Variants in GABRB1 observed in about 807,000 individuals in gnomAD.
The protein encoded by GABRB1 is gamma-aminobutyric acid type A receptor subunit beta1.
In GABRB1, 17 loss-of-function variants were observed where a neutral mutation model predicts 51.6. The observed-to-expected ratio is 0.33, with a 90% CI of 0.23 to 0.49. The LOEUF is 0.49. GABRB1 is among the 20% of genes least tolerant of loss of function. The pLI is 0.99. For missense variants in GABRB1, 410 were observed against 600.6 expected, an observed-to-expected ratio of 0.68 and a Z score of 3.32; for synonymous variants, 247 against 218.9, an observed-to-expected ratio of 1.13 and a Z score of -1.14.
chr4:47,084,374 C>T (rs1727981596), intron 3 of GABRB1, among the ~76,000 whole-genome samples: 2 of 152,144 alleles, frequency 1.3e-5, no homozygotes, highest in Admixed American at 1.3e-4. Context: ...TATTGTCTAC[C>T]CTCACAAATA....
At chr4:47,331,131 T>C (rs1725465450) in intron 5 of GABRB1, among the ~76,000 whole-genome samples, 1 of 152,202 alleles carries the variant, frequency 6.6e-6, no homozygotes, top group Non-Finnish European at 1.5e-5. Context: ...TTTTGCCATA[T>C]TCAGTAGACT....
intron 3 of GABRB1, among the ~76,000 whole-genome samples, chr4:47,040,190 G>C (rs1486216865): frequency 6.6e-6 from 1 of 152,180 alleles, no homozygotes; most frequent in Non-Finnish European, 1.5e-5. Flanking sequence ...TATCTATGCT[G>C]AGGAAATGGA....
chr4:47,212,672 C>T (rs1720409378), intron 4 of GABRB1, among the ~76,000 whole-genome samples: 1 of 152,030 alleles, frequency 6.6e-6, no homozygotes. Context: ...GAGTGAGACA[C>T]TGTCTCAAAA....
chr4:47,281,183 C>T lies in GABRB1; in HGVS notation c.462-38944C>T, dbSNP rs537690844. ...TAATGTCCAAAATATATAAAGAACTCAAATAGCACAGTAGCGAGGAAACAA... is the reference window on the plus strand; with the variant it reads ...TAATGTCCAAAATATATAAAGAACTTAAATAGCACAGTAGCGAGGAAACAA... On this transcript the variant is annotated intron_variant, in intron 4 of 8. Coordinates refer to ENST00000295454, the MANE Select transcript of GABRB1 (RefSeq NM_000812.4). Among the ~76,000 whole-genome samples the T allele has an allele frequency of 1.3e-5, 2 of 152,004 alleles. 1 individual carries two copies. The highest frequency in any genetic ancestry group is 4.1e-4 in the South Asian group (2 of 4,822).
rs1163708982 is a variant in GABRB1, at chr4:47,425,994, C to G, written c.1401C>G (p.Val467=). The G allele has an allele frequency of 6.2e-7, 1 of 1,601,050 alleles. No individual in the cohort carries two copies. Among genetic ancestry groups the G allele is most frequent in the African/African-American group, 1.3e-5 (1 of 74,752 alleles). Residue 467 remains valine, a synonymous_variant, in exon 9 of 9, where the codon GTC becomes GTG. Transcript: ENST00000295454. ...FPITFSLFNV[V]YWLYYVH ...TCACCTTTTCTCTTTTTAATGTCGT[C>G]TATTGGCTTTACTATGTACACTGAG...
chr4:47,249,119 T>C (rs1205607444), intron 4 of GABRB1, among the ~76,000 whole-genome samples: 1 of 152,124 alleles, frequency 6.6e-6, no homozygotes, highest in Non-Finnish European at 1.5e-5. Flanking sequence ...ATTTGTACTC[T>C]TTCAGTCTTT....
chr4:47,160,522 T>C (rs1216628544), intron 3 of GABRB1, among the ~76,000 whole-genome samples: 2 of 152,144 alleles, frequency 1.3e-5, no homozygotes, highest in African/African-American at 4.8e-5. Flanking sequence ...TCCTTTTCAG[T>C]GCATTCAGTT....
intron 5 of GABRB1, among the ~76,000 whole-genome samples, chr4:47,383,394 A>G (rs1727659527): frequency 6.6e-6 from 1 of 152,198 alleles, no homozygotes; most frequent in Non-Finnish European, 1.5e-5. Context: ...TGAGAAAGGC[A>G]TCCAATTTAA....
At chr4:47,038,077 C>T (rs538841915) in intron 3 of GABRB1, among the ~76,000 whole-genome samples, 1 of 152,212 alleles carries the variant, frequency 6.6e-6, no homozygotes, top group Admixed American at 6.5e-5. Context: ...ATAATAAAAA[C>T]TTAGATATTA....
intron 3 of GABRB1, among the ~76,000 whole-genome samples, chr4:47,143,165 A>T (rs1350067351): frequency 6.6e-6 from 1 of 151,924 alleles, no homozygotes; most frequent in East Asian, 1.9e-4. Context: ...GAATAAGAAC[A>T]GGAAGCTAAA....
At chr4:47,366,126 G>C (rs968264060) in intron 5 of GABRB1, among the ~76,000 whole-genome samples, 5 of 152,106 alleles carry the variant, frequency 3.3e-5, no homozygotes, top group African/African-American at 1.2e-4. Flanking sequence ...CTCAACATAG[G>C]TTCCCATTTT....
intron 3 of GABRB1, among the ~76,000 whole-genome samples, chr4:47,049,065 A>G (rs1726229688): frequency 9.2e-5 from 1 of 10,820 alleles, no homozygotes; most frequent in Admixed American, 6.2e-4. Flanking sequence ...TGAGAAGAGA[A>G]AAAAAAAAAA....
intron 3 of GABRB1, among the ~76,000 whole-genome samples, chr4:47,134,057 T>C (rs1407557411): frequency 6.6e-6 from 1 of 152,180 alleles, no homozygotes; most frequent in African/African-American, 2.4e-5. Context: ...TCAAAATGAT[T>C]AGAGGGAGAC....
intron 4 of GABRB1, among the ~76,000 whole-genome samples, chr4:47,182,154 T>TG (rs5858058): frequency 0.86 from 130,365 of 151,918 alleles, 55,943 homozygotes; most frequent in Middle Eastern, 0.93. Flanking sequence ...CTTGTCTTGT[T>TG]GAGGTTAAAA....
intron 3 of GABRB1, among the ~76,000 whole-genome samples, chr4:47,036,793 C>G (rs1022848885): frequency 6.6e-6 from 1 of 151,396 alleles, no homozygotes; most frequent in Admixed American, 6.6e-5. Context: ...ACCCAGGAGG[C>G]TGGAGGTTGC....
chr4:47,138,824 C>T (rs1053020810), intron 3 of GABRB1, among the ~76,000 whole-genome samples: 3 of 151,922 alleles, frequency 2.0e-5, no homozygotes, highest in African/African-American at 7.3e-5. Context: ...TTCTCTTGGC[C>T]CTCCCAGTTA....
chr4:47,027,989 A>G (rs1409585547), upstream of GABRB1, among the ~76,000 whole-genome samples: 2 of 151,736 alleles, frequency 1.3e-5, no homozygotes, highest in African/African-American at 4.8e-5. Flanking sequence ...CTGTCCCCAA[A>G]GTATATGAAA....
intron 3 of GABRB1, among the ~76,000 whole-genome samples, chr4:47,127,771 C>T (rs944668677): frequency 2.6e-5 from 4 of 151,700 alleles, no homozygotes; most frequent in Non-Finnish European, 5.9e-5. Context: ...GTTACTTAAC[C>T]TATAAAATAA....
At chr4:47,010,167 C>T (rs1724544501) in intron 1 of GABRB1, among the ~76,000 whole-genome samples, 1 of 152,122 alleles carries the variant, frequency 6.6e-6, no homozygotes, top group Admixed American at 6.6e-5. Context: ...TCTTGTCCTT[C>T]CTTTAATAAG....
Sources: gnomAD v4.1 joint callset for allele counts (sites outside exome capture counted in the v4.1 genomes callset) on GRCh38, gnomAD v4.1.1 for gene constraint, MANE v1.5 for transcripts, NCBI Gene and HGNC (gene_info 2026-07-23, HGNC 2026-07-21) for gene names.